The following VPS54 variants were observed in gnomAD, a reference collection of about 807,000 sequenced individuals.
VPS54 encodes the protein VPS54 subunit of GARP complex.
Under a neutral mutation model 121.5 loss-of-function variants are expected in VPS54, and 45 were observed. The ratio of observed to expected loss-of-function variants is 0.37; its 90% CI spans 0.29 to 0.47. VPS54 has a LOEUF of 0.47. VPS54 is among the 20% of genes least tolerant of loss of function. VPS54 has a pLI of 0.99. For synonymous variants in VPS54, 371 were observed against 385.8 expected (o/e 0.96, Z 0.45); for missense variants, 1,090 against 1,131.4 (o/e 0.96, Z 0.52).
At chr2:63,986,976 T>G (rs1677082397) in intron 1 of VPS54, among the ~76,000 whole-genome samples, 1 of 152,222 alleles carries the variant, frequency 6.6e-6, no homozygotes, top group South Asian at 2.1e-4. Context: ...ATTAATCCCT[T>G]GTCAGATGGG....
rs1678861034 is a variant in VPS54 at position 64,019,186 on chromosome 2, C to G, written c.-269G>C. 1 of 151,278 alleles carries G rather than the reference C, an allele frequency of 6.6e-6. No individual in the cohort carries two copies. Among genetic ancestry groups the G allele is most frequent in the African/African-American group, 2.4e-5 (1 of 41,346 alleles). 9.4% of individuals were successfully genotyped at this position (151,278 alleles called of 1,614,324 possible). A position where few individuals can be genotyped will look rare whatever the true frequency, so the allele number is the denominator to read the frequency against. Reference sequence around the variant, plus strand: ...AGCGGCGGCTCCCTCACGTCTCTCCCGGGTGTCCTGTCAGCCAGCAGTTTC... The same window carrying G: ...AGCGGCGGCTCCCTCACGTCTCTCCGGGGTGTCCTGTCAGCCAGCAGTTTC... On this transcript the variant is annotated 5_prime_UTR_variant, in exon 1 of 23. Transcript: ENST00000272322.
At chr2:64,012,920 C>A (rs114542600) in intron 1 of VPS54, among the ~76,000 whole-genome samples, 1 of 152,122 alleles carries the variant, frequency 6.6e-6, no homozygotes. Context: ...ATTTATCTAA[C>A]CTGACCTCAA....
intron 12 of VPS54, among the ~76,000 whole-genome samples, chr2:63,928,964 A>G (rs962700852): frequency 7.9e-5 from 12 of 152,162 alleles, no homozygotes; most frequent in Non-Finnish European, 1.5e-4. Flanking sequence ...AACAAGAAGA[A>G]CTAACTATCC....
intron 1 of VPS54, among the ~76,000 whole-genome samples, chr2:63,988,793 T>C (rs770636693): frequency 1.1e-4 from 16 of 152,136 alleles, no homozygotes; most frequent in African/African-American, 3.9e-4. Flanking sequence ...ATATGAAATC[T>C]GGGTACCTTG....
chr2:63,913,150 TA>T, intron 18 of VPS54, 72 bp downstream of exon 18: 5 of 1,262,254 alleles, frequency 4.0e-6, no homozygotes, highest in Non-Finnish European at 5.5e-6. Flanking sequence ...ACATGAGGTA[TA>T]AAAAAACATG....
intron 21 of VPS54, 120 bp downstream of exon 21, chr2:63,899,354 A>C: frequency 1.2e-6 from 1 of 823,804 alleles, no homozygotes; most frequent in Non-Finnish European, 1.8e-6. Flanking sequence ...CAATGTAAAA[A>C]AATGATAATC....
At position 63,913,609 on chromosome 2, in the gene VPS54, G is replaced by C. The variant is rs557514350; in HGVS notation, c.2335-299C>G. ...CGGTTTCAGTCATTCTTGTTGGGAA[G>C]TCCTATTTTCAAAAGTTATAAAAAT... On this transcript the variant is annotated intron_variant, in intron 17 of 22. Transcript: ENST00000272322. Among the ~76,000 whole-genome samples the C allele has an allele frequency of 2.5e-4, 38 of 152,174 alleles. No homozygotes were observed. The South Asian group carries it at 7.7e-3, about 31-fold the overall frequency.
At chr2:63,990,532 T>C (rs781526849) in intron 1 of VPS54, among the ~76,000 whole-genome samples, 2 of 152,082 alleles carry the variant, frequency 1.3e-5, no homozygotes, top group Non-Finnish European at 2.9e-5. Context: ...TGTACCCTTC[T>C]TCACACATGC....
At chr2:64,009,821 A>T (rs1377407649) in intron 1 of VPS54, among the ~76,000 whole-genome samples, 2 of 149,704 alleles carry the variant, frequency 1.3e-5, no homozygotes, top group African/African-American at 4.9e-5. Context: ...CAACAACAAC[A>T]ACTTCTGAAT....
At chr2:63,942,400 A>G in intron 11 of VPS54, 65 bp downstream of exon 11, 2 of 1,121,192 alleles carry the variant, frequency 1.8e-6, no homozygotes, top group Non-Finnish European at 2.5e-6. Context: ...TTATTTACAT[A>G]TTATGTATCT....
At chr2:64,005,686 C>T (rs1678111786) in intron 1 of VPS54, among the ~76,000 whole-genome samples, 1 of 152,184 alleles carries the variant, frequency 6.6e-6, no homozygotes, top group Non-Finnish European at 1.5e-5. Context: ...CAGGGACTAT[C>T]TTGTACCCAC....
chr2:63,991,643 G>A (rs1287402961), intron 1 of VPS54, among the ~76,000 whole-genome samples: 1 of 152,184 alleles, frequency 6.6e-6, no homozygotes, highest in African/African-American at 2.4e-5. Context: ...GTCGTCGCAA[G>A]GTAAACATTG....
chr2:63,921,156 C>A (rs1335510859), intron 13 of VPS54, 50 bp downstream of exon 13: 3 of 1,535,526 alleles, frequency 2.0e-6, no homozygotes, highest in Non-Finnish European at 2.6e-6. Flanking sequence ...AATTCCAGAT[C>A]TTCAAAATTA....
intron 1 of VPS54, among the ~76,000 whole-genome samples, chr2:63,996,745 A>G (rs1677615778): frequency 6.6e-6 from 1 of 152,212 alleles, no homozygotes; most frequent in Non-Finnish European, 1.5e-5. Flanking sequence ...AGTTGTAGAT[A>G]GGGATGAAAC....
At chr2:63,953,893 A>G (rs949653685) in intron 7 of VPS54, among the ~76,000 whole-genome samples, 2 of 152,212 alleles carry the variant, frequency 1.3e-5, no homozygotes, top group African/African-American at 4.8e-5. Flanking sequence ...TGACACTAAC[A>G]TAATTCCTCA....
chr2:64,013,095 T>C (rs1018050076), intron 1 of VPS54, among the ~76,000 whole-genome samples: 4 of 152,236 alleles, frequency 2.6e-5, no homozygotes, highest in African/African-American at 9.6e-5. Flanking sequence ...TACATGGCTA[T>C]TAAGTATCCT....
intron 16 of VPS54, among the ~76,000 whole-genome samples, chr2:63,914,881 C>A (rs930716313): frequency 6.6e-6 from 1 of 151,958 alleles, no homozygotes; most frequent in Non-Finnish European, 1.5e-5. Flanking sequence ...CACCTGTAAT[C>A]CCAGCACTTT....
chr2:63,996,187 G>T (rs558582387), intron 1 of VPS54, among the ~76,000 whole-genome samples: 1 of 152,314 alleles, frequency 6.6e-6, no homozygotes, highest in South Asian at 2.1e-4. Context: ...CATGGCAGAA[G>T]AACATAAATT....
intron 1 of VPS54, among the ~76,000 whole-genome samples, chr2:64,004,239 C>G (rs2104684043): frequency 6.6e-6 from 1 of 151,956 alleles, no homozygotes; most frequent in African/African-American, 2.4e-5. Flanking sequence ...TGAAGAATGC[C>G]AGTAATAAAT....
Sources: gnomAD v4.1 joint callset for allele counts (sites outside exome capture counted in the v4.1 genomes callset) on GRCh38, gnomAD v4.1.1 for gene constraint, MANE v1.5 for transcripts, NCBI Gene and HGNC (gene_info 2026-07-23, HGNC 2026-07-21) for gene names.